CTNND2: variants seen among roughly 807,000 people sequenced by gnomAD.
The protein encoded by CTNND2 is catenin delta-2.
CTNND2 carries 22 observed loss-of-function variants against 144.4 expected under a neutral mutation model. The ratio of observed to expected loss-of-function variants is 0.15; its 90% CI spans 0.11 to 0.22. The LOEUF is 0.22. CTNND2 is among the 10% of genes least tolerant of loss of function. CTNND2 has a pLI of 1.00. For missense variants in CTNND2, 1,353 were observed against 1,618.8 expected, an observed-to-expected ratio of 0.84 and a Z score of 2.82; for synonymous variants, 751 against 695.6, an observed-to-expected ratio of 1.08 and a Z score of -1.25.
intron 2 of CTNND2, among the ~76,000 whole-genome samples, chr5:11,643,228 GTTT>G (rs1196448565): frequency 2.0e-5 from 3 of 151,012 alleles, no homozygotes; most frequent in Non-Finnish European, 4.4e-5. Flanking sequence ...TTTTATTTTT[GTTT>G]TTTTAATTTT....
At chr5:11,492,460 GTGAA>G (rs1459367230) in intron 3 of CTNND2, among the ~76,000 whole-genome samples, 1 of 151,522 alleles carries the variant, frequency 6.6e-6, no homozygotes, top group African/African-American at 2.4e-5. Flanking sequence ...TATGCTTTCT[GTGAA>G]TGATTTTCAG....
chr5:11,386,569 G>A (rs1759107905), intron 6 of CTNND2, among the ~76,000 whole-genome samples: 1 of 152,198 alleles, frequency 6.6e-6, no homozygotes, highest in South Asian at 2.1e-4. Flanking sequence ...CCTGGCATAG[G>A]AGGTAAACAG....
chr5:11,788,272 G>C (rs1324036994), intron 1 of CTNND2, among the ~76,000 whole-genome samples: 2 of 152,196 alleles, frequency 1.3e-5, no homozygotes, highest in East Asian at 3.9e-4. Context: ...CATTAAATCA[G>C]TCTAATAACT....
intron 16 of CTNND2, among the ~76,000 whole-genome samples, chr5:11,047,443 G>C (rs1745380970): frequency 6.6e-6 from 1 of 152,178 alleles, no homozygotes; most frequent in East Asian, 1.9e-4. Flanking sequence ...CCACCAAGGG[G>C]TGTGCTGGCT....
chr5:11,245,320 A>G (rs947616488), intron 9 of CTNND2, among the ~76,000 whole-genome samples: 3 of 152,164 alleles, frequency 2.0e-5, no homozygotes, highest in Non-Finnish European at 4.4e-5. Flanking sequence ...AGAATCTGCT[A>G]ATGCTGCCTT....
chr5:11,198,594 T>C (rs776800930), intron 11 of CTNND2, among the ~76,000 whole-genome samples: 57 of 152,246 alleles, frequency 3.7e-4, no homozygotes, highest in Admixed American at 1.1e-3. Context: ...TTAAAAGATC[T>C]TTTTAGACAG....
intron 1 of CTNND2, among the ~76,000 whole-genome samples, chr5:11,860,505 T>A (rs2127024021): frequency 6.6e-6 from 1 of 152,326 alleles, no homozygotes; most frequent in East Asian, 1.9e-4. Context: ...TTTCAGGTAA[T>A]TATAGCTAAG....
intron 1 of CTNND2, among the ~76,000 whole-genome samples, chr5:11,778,768 C>T (rs1790389567): frequency 6.6e-6 from 1 of 152,166 alleles, no homozygotes; most frequent in Non-Finnish European, 1.5e-5. Context: ...GAACTACAGG[C>T]TACACTTAGT....
chr5:11,578,705 A>G (rs1269735693), intron 2 of CTNND2, among the ~76,000 whole-genome samples: 1 of 151,762 alleles, frequency 6.6e-6, no homozygotes, highest in Non-Finnish European at 1.5e-5. Flanking sequence ...ATAAATAAAT[A>G]GAGTAGTGAA....
rs758744967 is a variant in CTNND2 at position 11,732,276 on chromosome 5, C to T, written c.38-4G>A. Reference sequence around the variant, plus strand: ...TGGTCTGGAACAGGCATAGCTCCTGCAAGGCAAGAGGACATGATCAATACA... The same window carrying T: ...TGGTCTGGAACAGGCATAGCTCCTGTAAGGCAAGAGGACATGATCAATACA... On this transcript the variant is annotated splice_region_variant and splice_polypyrimidine_tract_variant and intron_variant, in intron 1 of 21. Coordinates refer to ENST00000304623, the MANE Select transcript of CTNND2 (RefSeq NM_001332.4). 6.2e-7 allele frequency: 1 copy of T among 1,612,926 alleles called. No individual in the cohort carries two copies. The highest frequency in any genetic ancestry group is 8.5e-7 in the Non-Finnish European group (1 of 1,179,314).
At chr5:11,598,753 G>A (rs1779644174) in intron 2 of CTNND2, among the ~76,000 whole-genome samples, 1 of 152,092 alleles carries the variant, frequency 6.6e-6, no homozygotes, top group Non-Finnish European at 1.5e-5. Flanking sequence ...ACAACTGTAA[G>A]TATAAAACTT....
At chr5:11,731,247 A>T (rs1361296326) in intron 2 of CTNND2, among the ~76,000 whole-genome samples, 1 of 152,144 alleles carries the variant, frequency 6.6e-6, no homozygotes, top group African/African-American at 2.4e-5. Context: ...TCCCACTCTT[A>T]CCTAAATCAG....
At chr5:11,442,770 T>C (rs538818605) in intron 3 of CTNND2, among the ~76,000 whole-genome samples, 2 of 148,094 alleles carry the variant, frequency 1.4e-5, no homozygotes, top group East Asian at 2.0e-4. Context: ...TTTTATGAGA[T>C]TGCAATCATT....
chr5:11,830,050 C>T (rs1476713244), intron 1 of CTNND2, among the ~76,000 whole-genome samples: 1 of 152,192 alleles, frequency 6.6e-6, no homozygotes, highest in Non-Finnish European at 1.5e-5. Flanking sequence ...GACTGTAACC[C>T]CTTTGTTTTG....
intron 7 of CTNND2, among the ~76,000 whole-genome samples, chr5:11,366,523 C>CGCATCTGAT (rs1302387942): frequency 3.5e-4 from 54 of 152,244 alleles, no homozygotes; most frequent in African/African-American, 1.2e-3. Context: ...TTAGGTTCAT[C>CGCATCTGAT]GCATCTGATC....
chr5:11,688,087 T>C (rs1784738036), intron 2 of CTNND2, among the ~76,000 whole-genome samples: 1 of 152,126 alleles, frequency 6.6e-6, no homozygotes, highest in South Asian at 2.1e-4. Flanking sequence ...TCATAGTGGT[T>C]TGGGGGCCAT....
chr5:11,627,574 T>C (rs541175486), intron 2 of CTNND2, among the ~76,000 whole-genome samples: 19 of 152,050 alleles, frequency 1.2e-4, no homozygotes, highest in Non-Finnish European at 2.4e-4. Context: ...TATAAATAGA[T>C]AGTCACAATG....
intron 3 of CTNND2, among the ~76,000 whole-genome samples, chr5:11,512,113 G>A (rs1445059612): frequency 6.6e-6 from 1 of 152,036 alleles, no homozygotes; most frequent in Non-Finnish European, 1.5e-5. Context: ...AGCTTCTTGG[G>A]CATATGACCT....
intron 9 of CTNND2, among the ~76,000 whole-genome samples, chr5:11,291,335 C>A (rs1744759479): frequency 6.6e-6 from 1 of 152,040 alleles, no homozygotes; most frequent in South Asian, 2.1e-4. Flanking sequence ...TTCCTTCTCA[C>A]TGTTTAGGTT....
Sources: gnomAD v4.1 joint callset for allele counts (sites outside exome capture counted in the v4.1 genomes callset) on GRCh38, gnomAD v4.1.1 for gene constraint, MANE v1.5 for transcripts, NCBI Gene and HGNC (gene_info 2026-07-23, HGNC 2026-07-21) for gene names.